PDE1A: variants seen among roughly 807,000 people sequenced by gnomAD.
PDE1A encodes the protein phosphodiesterase 1A.
PDE1A carries 35 observed loss-of-function variants against 61.7 expected under a neutral mutation model. The ratio of observed to expected loss-of-function variants is 0.57; its 90% CI spans 0.43 to 0.75. PDE1A has a LOEUF of 0.75. Among genes scored for constraint, PDE1A ranks in the 30% least tolerant of loss-of-function variants. The probability of loss-of-function intolerance (pLI) is 0.00; values close to 1 mark genes in which losing one functional copy is unlikely to be tolerated. For missense variants in PDE1A, 597 were observed against 630.6 expected, an observed-to-expected ratio of 0.95 and a Z score of 0.57; for synonymous variants, 232 against 213.2, an observed-to-expected ratio of 1.09 and a Z score of -0.77.
chr2:182,433,027 T>C (rs1157834010), intron 2 of PDE1A, among the ~76,000 whole-genome samples: 1 of 152,078 alleles, frequency 6.6e-6, no homozygotes, highest in Non-Finnish European at 1.5e-5. Flanking sequence ...TGGATCTCTA[T>C]TGAGGCTATT....
At chr2:182,507,492 T>A (rs1689487222) in intron 2 of PDE1A, among the ~76,000 whole-genome samples, 1 of 152,098 alleles carries the variant, frequency 6.6e-6, no homozygotes, top group Non-Finnish European at 1.5e-5. Flanking sequence ...ACACGCCAGT[T>A]TGAGGGTTCC....
intron 1 of PDE1A, among the ~76,000 whole-genome samples, chr2:182,406,730 C>A (rs912295303): frequency 6.6e-6 from 1 of 151,712 alleles, no homozygotes; most frequent in Non-Finnish European, 1.5e-5. Context: ...TAAATATTTT[C>A]TTTAGTTGAA....
At chr2:182,255,843 A>G (rs1436194116) in intron 2 of PDE1A, among the ~76,000 whole-genome samples, 8 of 151,372 alleles carry the variant, frequency 5.3e-5, no homozygotes, top group Non-Finnish European at 1.0e-4. Context: ...TTTTTAGTAG[A>G]GAGGGAGTTT....
chr2:182,577,096 A>T, the PDE1A span, among the ~76,000 whole-genome samples: 1 of 152,072 alleles, frequency 6.6e-6, no homozygotes, highest in African/African-American at 2.4e-5. Context: ...AGTTTAATTG[A>T]TCATTTTTTC....
chr2:182,238,687 A>G (rs1296345497), intron 3 of PDE1A, among the ~76,000 whole-genome samples: 2 of 152,180 alleles, frequency 1.3e-5, no homozygotes, highest in African/African-American at 4.8e-5. Context: ...CTTTATTTCT[A>G]TATGTTCTTA....
At chr2:182,176,933 A>T (rs1692861174) in intron 13 of PDE1A, among the ~76,000 whole-genome samples, 1 of 149,152 alleles carries the variant, frequency 6.7e-6, no homozygotes, top group African/African-American at 2.5e-5. Flanking sequence ...TTCTGCATCT[A>T]TTGAGATAAT....
intron 7 of PDE1A, among the ~76,000 whole-genome samples, chr2:182,220,288 T>C (rs1457535389): frequency 6.6e-6 from 1 of 152,066 alleles, no homozygotes; most frequent in African/African-American, 2.4e-5. Context: ...AAACACTGTG[T>C]GCATTTCTAG....
intron 1 of PDE1A, among the ~76,000 whole-genome samples, chr2:182,367,471 A>G (rs920499061): frequency 6.6e-6 from 1 of 152,002 alleles, no homozygotes; most frequent in Non-Finnish European, 1.5e-5. Flanking sequence ...AAACATTAGA[A>G]AAAAAAACAC....
chr2:182,486,246 AAAG>A (rs1274130259), intron 2 of PDE1A, among the ~76,000 whole-genome samples: 2 of 152,082 alleles, frequency 1.3e-5, no homozygotes, highest in East Asian at 1.9e-4. Context: ...TGGGTTAATA[AAAG>A]AAGTGTAAAA....
At chr2:182,184,642 G>T (rs1685059254) in intron 13 of PDE1A, among the ~76,000 whole-genome samples, 2 of 152,102 alleles carry the variant, frequency 1.3e-5, no homozygotes, top group Admixed American at 6.6e-5. Context: ...AAGAAATGAA[G>T]AATATCATAA....
the PDE1A span, among the ~76,000 whole-genome samples, chr2:182,642,681 A>G: frequency 6.6e-6 from 1 of 152,188 alleles, no homozygotes; most frequent in Non-Finnish European, 1.5e-5. Flanking sequence ...AAGTTTATCT[A>G]TACATTTTCT....
chr2:182,346,288 G>A (rs977971489), intron 1 of PDE1A, among the ~76,000 whole-genome samples: 1 of 152,038 alleles, frequency 6.6e-6, no homozygotes, highest in Non-Finnish European at 1.5e-5. Context: ...TTATTCTATG[G>A]TTAAAAACAA....
intron 13 of PDE1A, among the ~76,000 whole-genome samples, chr2:182,169,938 A>ACT (rs1187109914): frequency 1.1e-5 from 1 of 92,686 alleles, no homozygotes; most frequent in East Asian, 3.9e-4. Flanking sequence ...ACACACACAC[A>ACT]CTCTCCCTCT....
At chr2:182,508,061 G>A (rs565961793) in intron 2 of PDE1A, among the ~76,000 whole-genome samples, 1 of 150,942 alleles carries the variant, frequency 6.6e-6, no homozygotes, top group Non-Finnish European at 1.5e-5. Flanking sequence ...CAAGAATAGA[G>A]TAGTAGCTTA....
chr2:182,613,275 T>C, the PDE1A span, among the ~76,000 whole-genome samples: 3 of 152,108 alleles, frequency 2.0e-5, no homozygotes. Flanking sequence ...CATCATTAAA[T>C]AGGGGGCCGG....
the PDE1A span, among the ~76,000 whole-genome samples, chr2:182,662,571 A>C: frequency 1.1e-3 from 168 of 152,308 alleles, 1 homozygote; most frequent in Admixed American, 3.3e-3. Context: ...CAAAGTTGAC[A>C]AAAACAAGCA....
Position 182,522,445 on chromosome 2 carries a change from T to C in PDE1A, c.-10-59A>G, listed in dbSNP as rs1690627690. The C allele has an allele frequency of 3.1e-6, 5 of 1,605,670 alleles. No individual in the cohort carries two copies. The South Asian group carries it at 5.5e-5, about 18-fold the overall frequency. On this transcript the variant is annotated intron_variant, in intron 1 of 14. Transcript: ENST00000410103. ...CTAGAACAAGCATTCCTCAGTCCATTACAAATCTTACACACTTATACAGTA... is the reference window on the plus strand; with the variant it reads ...CTAGAACAAGCATTCCTCAGTCCATCACAAATCTTACACACTTATACAGTA...
intron 1 of PDE1A, among the ~76,000 whole-genome samples, chr2:182,268,984 G>A (rs899265079): frequency 1.3e-5 from 2 of 152,016 alleles, no homozygotes; most frequent in African/African-American, 4.8e-5. Context: ...CACCCATGAT[G>A]AGGATAAAAA....
the PDE1A span, among the ~76,000 whole-genome samples, chr2:182,662,264 T>A: frequency 1.4e-5 from 2 of 147,218 alleles, no homozygotes; most frequent in Admixed American, 1.4e-4. Flanking sequence ...GTTTTCCAGT[T>A]ATCTCAAGAT....
Sources: allele counts gnomAD v4.1 joint callset (sites outside exome capture counted in the v4.1 genomes callset), GRCh38; gene constraint gnomAD v4.1.1; transcripts MANE v1.5; gene names NCBI Gene and HGNC (gene_info 2026-07-23, HGNC 2026-07-21).